ANKRD34C: variants seen among roughly 807,000 people sequenced by gnomAD.
ANKRD34C encodes the protein ankyrin repeat domain 34C, also known as ankyrin repeat domain-containing protein 34C.
For missense variants in ANKRD34C, 563 were observed against 653.0 expected, an observed-to-expected ratio of 0.86 and a Z score of 1.50; for synonymous variants, 260 against 253.6, an observed-to-expected ratio of 1.03 and a Z score of -0.24.
chr15:79,297,252 T>C lies in ANKRD34C; in HGVS notation c.*2360T>C, dbSNP rs1451548671. The C allele has an allele frequency of 6.0e-6, 1 of 167,174 alleles. No individual in the cohort carries two copies. Among genetic ancestry groups the C allele is most frequent in the East Asian group, 1.9e-4 (1 of 5,192 alleles). The allele number at this position is 167,174 out of a possible 1,614,324, so 10.4% of individuals were successfully genotyped here. A position where few individuals can be genotyped will look rare whatever the true frequency, so the allele number is the denominator to read the frequency against. ...CCATCATTCTCAGCAGCTCATTAAA[T>C]GCAAATACACACACGCAAAGAGAGA... On this transcript the variant is annotated 3_prime_UTR_variant, in exon 2 of 2. Coordinates refer to ENST00000421388, the MANE Select transcript of ANKRD34C (RefSeq NM_001146341.2).
chr15:79,289,340 G>T (rs2058653703), intron 1 of ANKRD34C, among the ~76,000 whole-genome samples: 1 of 152,162 alleles, frequency 6.6e-6, no homozygotes, highest in African/African-American at 2.4e-5. Context: ...CACACAGAAT[G>T]TTATGCCTAT....
chr15:79,295,120 A>G lies in ANKRD34C; in HGVS notation c.*228A>G. 1 of 521,146 alleles carries G rather than the reference A, an allele frequency of 1.9e-6. No individual in the cohort carries two copies. The highest frequency in any genetic ancestry group is 3.4e-6 in the Non-Finnish European group (1 of 296,898). The allele number at this position is 521,146 out of a possible 1,614,324, so 32.3% of individuals were successfully genotyped here. ...ATTTTTAAAAATTCTGCAAAGGAAG[A>G]AAGCCTTTGGAATTTGAAGGTAACA... On this transcript the variant is annotated 3_prime_UTR_variant, in exon 2 of 2. Coordinates refer to ENST00000421388, the MANE Select transcript of ANKRD34C (RefSeq NM_001146341.2).
intron 1 of ANKRD34C, chr15:79,283,703 A>ACTGGCAATAATGGACG (rs956476526): frequency 1.3e-5 from 2 of 152,264 alleles, no homozygotes; most frequent in Non-Finnish European, 2.9e-5. Flanking sequence ...GCCCACAGAC[A>ACTGGCAATAATGGACG]CTGGCAATAA....
Position 79,294,769 on chromosome 15 carries a change from T to A in ANKRD34C, c.1485T>A (p.Val495=), listed in dbSNP as rs753689223. 151 of 1,551,648 alleles carry A rather than the reference T, an allele frequency of 9.7e-5. No homozygotes were observed. The highest frequency in any genetic ancestry group is 1.2e-4 in the Non-Finnish European group (143 of 1,147,020). ...CSLASGLKSM[V]PVAPSSPKRV... ...TTGCTAGTGGCTTAAAATCTATGGT[T>A]CCTGTTGCTCCAAGTTCACCAAAGA... The change falls in exon 2 of 2, where the codon GTT becomes GTA. Residue 495 remains valine, a synonymous_variant. Coordinates refer to ENST00000421388, the MANE Select transcript of ANKRD34C (RefSeq NM_001146341.2).
At position 79,291,597 on chromosome 15, in the gene ANKRD34C, CACACAGAGAGAGAGAG is replaced by C. The variant is rs1438102458; in HGVS notation, c.-44-1642_-44-1627del. Among the ~76,000 whole-genome samples, 24 of 111,660 alleles carry C rather than the reference CACACAGAGAGAGAGAG, an allele frequency of 2.1e-4. No homozygotes were observed. In the East Asian group the frequency reaches 2.4e-3, roughly 11 times the overall value. The allele number at this position is 111,660 out of a possible 152,430, so 73.3% of individuals were successfully genotyped here. A position where few individuals can be genotyped will look rare whatever the true frequency, so the allele number is the denominator to read the frequency against. ...ACACACACACACACACACACACACACACACAGAGAGAGAGAGAGAGAGAGAGAGAGAGAGATCAGTA... is the reference window on the plus strand; with the variant it reads ...ACACACACACACACACACACACACACAGAGAGAGAGAGAGAGAGATCAGTA... On this transcript the variant is annotated intron_variant, in intron 1 of 1. Transcript: ENST00000421388.
chr15:79,295,066 A>G lies in ANKRD34C; in HGVS notation c.*174A>G, dbSNP rs1282189490. The G allele has an allele frequency of 4.2e-6, 3 of 718,270 alleles. No homozygotes were observed. Among genetic ancestry groups the G allele is most frequent in the Admixed American group, 3.6e-5 (1 of 27,790 alleles). 44.5% of individuals were successfully genotyped at this position (718,270 alleles called of 1,614,324 possible). A position where few individuals can be genotyped will look rare whatever the true frequency, so the allele number is the denominator to read the frequency against. On this transcript the variant is annotated 3_prime_UTR_variant, in exon 2 of 2. Coordinates refer to ENST00000421388, the MANE Select transcript of ANKRD34C (RefSeq NM_001146341.2). ...GGTTTTTATAGGCCTACTTGAAAAGAGCTCAGGATAATTGGGTTTTGAAGA... is the reference window on the plus strand; with the variant it reads ...GGTTTTTATAGGCCTACTTGAAAAGGGCTCAGGATAATTGGGTTTTGAAGA...
Position 79,293,350 on chromosome 15 carries a change from G to C in ANKRD34C, c.66G>C (p.Gly22=). 17 of 1,550,996 alleles carry C rather than the reference G, an allele frequency of 1.1e-5. No homozygotes were observed. Among genetic ancestry groups the C allele is most frequent in the Non-Finnish European group, 1.4e-5 (16 of 1,146,672 alleles). ...CTTTGTTAAAGGCTGTGTGGCTGGG[G>C]AGGCTCAGGTTGACCAGGCTGCTCT... ...GNSLLKAVWL[G]RLRLTRLLLE... Residue 22 remains glycine, a synonymous_variant, in exon 2 of 2, where the codon GGG becomes GGC. Transcript: ENST00000421388.
chr15:79,294,219 C>G lies in ANKRD34C; in HGVS notation c.935C>G (p.Thr312Arg). Residue 312 changes from threonine to arginine, a missense_variant, in exon 2 of 2, where the codon ACA becomes AGA. Transcript: ENST00000421388. The part of the protein sequence containing the change: ...IDSKDPTLFH[T>R]VTEQVLKIPV... Reference sequence around the variant, plus strand: ...AGCAAAGACCCCACCCTCTTTCACACAGTCACAGAGCAGGTTCTGAAGATT... The same window carrying G: ...AGCAAAGACCCCACCCTCTTTCACAGAGTCACAGAGCAGGTTCTGAAGATT... The G allele has an allele frequency of 6.4e-7, 1 of 1,551,542 alleles. No individual in the cohort carries two copies. Among genetic ancestry groups the G allele is most frequent in the Non-Finnish European group, 8.7e-7 (1 of 1,146,890 alleles).
chr15:79,285,083 T>C (rs956091184), intron 1 of ANKRD34C, among the ~76,000 whole-genome samples: 2 of 152,240 alleles, frequency 1.3e-5, no homozygotes, highest in Admixed American at 1.3e-4. Context: ...CCACAAGATG[T>C]CAGGTTTGCA....
Position 79,295,161 on chromosome 15 carries a change from T to C in ANKRD34C, c.*269T>C. The stretch of plus-strand genomic sequence containing the variant: ...GAAGGTAACACAGCAAGTACAATGA[T>C]GTAAGCTGGGGACATCAGTAGTTTT... On this transcript the variant is annotated 3_prime_UTR_variant, in exon 2 of 2. Coordinates refer to ENST00000421388, the MANE Select transcript of ANKRD34C (RefSeq NM_001146341.2). 2.3e-6 allele frequency: 1 copy of C among 427,298 alleles called. No individual in the cohort carries two copies. Among genetic ancestry groups the C allele is most frequent in the Non-Finnish European group, 4.3e-6 (1 of 234,894 alleles). 26.5% of individuals were successfully genotyped at this position (427,298 alleles called of 1,614,324 possible). A position where few individuals can be genotyped will look rare whatever the true frequency, so the allele number is the denominator to read the frequency against.
chr15:79,295,112 A>G lies in ANKRD34C; in HGVS notation c.*220A>G. 1.9e-6 allele frequency: 1 copy of G among 533,914 alleles called. No individual in the cohort carries two copies. Among genetic ancestry groups the G allele is most frequent in the South Asian group, 3.5e-5 (1 of 28,482 alleles). The allele number at this position is 533,914 out of a possible 1,614,324, so 33.1% of individuals were successfully genotyped here. A position where few individuals can be genotyped will look rare whatever the true frequency, so the allele number is the denominator to read the frequency against. On this transcript the variant is annotated 3_prime_UTR_variant, in exon 2 of 2. Transcript: ENST00000421388. Reference sequence around the variant, plus strand: ...GAAGATAAATTTTTAAAAATTCTGCAAAGGAAGAAAGCCTTTGGAATTTGA... The same window carrying G: ...GAAGATAAATTTTTAAAAATTCTGCGAAGGAAGAAAGCCTTTGGAATTTGA...
chr15:79,291,688 C>A (rs2058660283), intron 1 of ANKRD34C, among the ~76,000 whole-genome samples: 1 of 151,092 alleles, frequency 6.6e-6, no homozygotes, highest in Non-Finnish European at 1.5e-5. Flanking sequence ...GAAACGGAGA[C>A]TTGTTGTCAA....
At chr15:79,292,444 A>T (rs2058662131) in intron 1 of ANKRD34C, among the ~76,000 whole-genome samples, 1 of 152,198 alleles carries the variant, frequency 6.6e-6, no homozygotes, top group African/African-American at 2.4e-5. Context: ...ACAAAAATGC[A>T]ATCCTCTTCT....
intron 1 of ANKRD34C, among the ~76,000 whole-genome samples, chr15:79,292,110 T>A (rs1457242289): frequency 6.6e-6 from 1 of 152,166 alleles, no homozygotes; most frequent in African/African-American, 2.4e-5. Flanking sequence ...ATGATGTGAA[T>A]CAGATGAGGA....
At position 79,294,468 on chromosome 15, in the gene ANKRD34C, C is replaced by T; in HGVS notation, c.1184C>T (p.Ser395Phe). Residue 395 changes from serine (S) to phenylalanine (F), a missense_variant, in exon 2 of 2, where the codon TCC (serine) becomes TTC (phenylalanine). Transcript: ENST00000421388. Reference protein sequence around the residue: ...QPGPDPPNSISLESGKGPLDR... With the variant: ...QPGPDPPNSIFLESGKGPLDR... ...GGGCCTGACCCTCCCAACTCCATTT[C>T]CCTTGAATCCGGCAAAGGACCTTTA... 1 of 1,551,720 alleles carries T rather than the reference C, an allele frequency of 6.4e-7. No individual in the cohort carries two copies. Among genetic ancestry groups the T allele is most frequent in the Non-Finnish European group, 8.7e-7 (1 of 1,146,990 alleles).
rs2058672559 is a variant in ANKRD34C, at chr15:79,296,442, C to G, written c.*1550C>G. On this transcript the variant is annotated 3_prime_UTR_variant, in exon 2 of 2. Transcript: ENST00000421388. Reference sequence around the variant, plus strand: ...TTTCTTGAGACTGCTGAAGCAATATCTCAAATAATACATACGCTACACAAA... The same window carrying G: ...TTTCTTGAGACTGCTGAAGCAATATGTCAAATAATACATACGCTACACAAA... 1 of 167,078 alleles carries G rather than the reference C, an allele frequency of 6.0e-6. No homozygotes were observed. Among genetic ancestry groups the G allele is most frequent in the Non-Finnish European group, 1.5e-5 (1 of 68,122 alleles). 10.3% of individuals were successfully genotyped at this position (167,078 alleles called of 1,614,324 possible).
chr15:79,295,594 A>G lies in ANKRD34C; in HGVS notation c.*702A>G. 1 of 167,142 alleles carries G rather than the reference A, an allele frequency of 6.0e-6. No individual in the cohort carries two copies. The highest frequency in any genetic ancestry group is 1.5e-5 in the Non-Finnish European group (1 of 68,122). The allele number at this position is 167,142 out of a possible 1,614,324, so 10.4% of individuals were successfully genotyped here. A position where few individuals can be genotyped will look rare whatever the true frequency, so the allele number is the denominator to read the frequency against. On this transcript the variant is annotated 3_prime_UTR_variant, in exon 2 of 2. Transcript: ENST00000421388. ...ATGCCTTAGAGATAAATCTTGCTCCAGAAATGAAACTTTCCCCAGACCCGT... is the reference window on the plus strand; with the variant it reads ...ATGCCTTAGAGATAAATCTTGCTCCGGAAATGAAACTTTCCCCAGACCCGT...
intron 1 of ANKRD34C, among the ~76,000 whole-genome samples, chr15:79,291,533 CAGAA>C (rs753902063): frequency 7.8e-5 from 11 of 141,130 alleles, no homozygotes; most frequent in South Asian, 2.3e-4. Flanking sequence ...TTAAAATTGA[CAGAA>C]AGAGAGGAGA....
chr15:79,292,350 A>G (rs2058661951), intron 1 of ANKRD34C, among the ~76,000 whole-genome samples: 1 of 152,242 alleles, frequency 6.6e-6, no homozygotes, highest in Non-Finnish European at 1.5e-5. Flanking sequence ...GGGAACTTAC[A>G]AAAGAATCAA....
Sources: allele counts gnomAD v4.1 joint callset (sites outside exome capture counted in the v4.1 genomes callset), GRCh38; gene constraint gnomAD v4.1.1; transcripts MANE v1.5; gene names NCBI Gene and HGNC (gene_info 2026-07-23, HGNC 2026-07-21).